The following ANKRD18A variants were observed in gnomAD, a reference collection of about 807,000 sequenced individuals.
ANKRD18A encodes ankyrin repeat domain 18A.
In ANKRD18A, 72 loss-of-function variants were observed where a neutral mutation model predicts 110.6. That is an observed-to-expected ratio of 0.65 (90% CI 0.54 to 0.79). ANKRD18A has a LOEUF of 0.79. Among genes scored for constraint, ANKRD18A ranks in the 30% least tolerant of loss-of-function variants. The probability of loss-of-function intolerance (pLI) is 0.00; values close to 1 mark genes in which losing one functional copy is unlikely to be tolerated. For synonymous variants in ANKRD18A, 305 were observed against 410.3 expected, an observed-to-expected ratio of 0.74 and a Z score of 3.10; for missense variants, 934 against 1,163.3, an observed-to-expected ratio of 0.80 and a Z score of 2.87.
At position 38,575,553 on chromosome 9, in the gene ANKRD18A, A is replaced by G. The variant is rs748551448; in HGVS notation, c.2887T>C (p.Tyr963His). 1.4e-5 allele frequency: 21 copies of G among 1,551,348 alleles called. No individual in the cohort carries two copies. Among genetic ancestry groups the G allele is most frequent in the African/African-American group, 2.7e-5 (2 of 73,030 alleles). The change falls in exon 15 of 16, where the codon TAT (tyrosine) becomes CAT (histidine). Residue 963 changes from tyrosine (Y) to histidine (H), a missense_variant. By Grantham distance (83) the Tyr-to-His change is moderately conservative (BLOSUM62 2). Coordinates refer to ENST00000399703, the MANE Select transcript of ANKRD18A (RefSeq NM_147195.4). ...ATTCTTATGGCCGTTTTGGGAATAT[A>G]TTTTCTGTTGAGTTCTATACTATTA... ...NLNSIELNRKYIPKTAIRIPT... is the reference protein window; with the variant it reads ...NLNSIELNRKHIPKTAIRIPT...
At chr9:38,588,446 A>G (rs1367821187) in intron 11 of ANKRD18A, 105 bp downstream of exon 11, 4 of 757,888 alleles carry the variant, frequency 5.3e-6, no homozygotes, top group Non-Finnish European at 7.3e-6. Flanking sequence ...TTTAATTATG[A>G]AAATGAAGAC....
intron 11 of ANKRD18A, among the ~76,000 whole-genome samples, chr9:38,587,053 GA>G (rs1246888117): frequency 6.6e-6 from 1 of 151,202 alleles, no homozygotes; most frequent in Non-Finnish European, 1.5e-5. Context: ...TCTATAAGAA[GA>G]AAAAAAAGTA....
intron 3 of ANKRD18A, among the ~76,000 whole-genome samples, chr9:38,613,964 T>C (rs1194539639): frequency 6.6e-6 from 1 of 152,212 alleles, no homozygotes; most frequent in African/African-American, 2.4e-5. Flanking sequence ...GAGTGATTCA[T>C]GGTGGGAAGC....
At chr9:38,589,856 C>T (rs866905603) in intron 10 of ANKRD18A, among the ~76,000 whole-genome samples, 2 of 152,190 alleles carry the variant, frequency 1.3e-5, no homozygotes, top group African/African-American at 4.8e-5. Flanking sequence ...TAAATTCTCT[C>T]AGAACTCCTA....
downstream of ANKRD18A, chr9:38,569,573 C>T (rs1823564429): frequency 9.6e-6 from 4 of 417,098 alleles, no homozygotes; most frequent in Non-Finnish European, 9.7e-6. Context: ...ACAACAGGAG[C>T]CTGCTTGGGT....
chr9:38,579,229 T>G (rs1340949118), intron 12 of ANKRD18A, among the ~76,000 whole-genome samples: 1 of 152,166 alleles, frequency 6.6e-6, no homozygotes, highest in Non-Finnish European at 1.5e-5. Flanking sequence ...CCCCAAATTA[T>G]CAAACTATTA....
chr9:38,568,930 G>A, downstream of ANKRD18A: 4 of 985,442 alleles, frequency 4.1e-6, no homozygotes, highest in Non-Finnish European at 4.8e-6. Context: ...GCTGCTGGCT[G>A]CCAGGGTTGT....
chr9:38,617,232 G>GA (rs1384789096), intron 1 of ANKRD18A, among the ~76,000 whole-genome samples: 4 of 152,146 alleles, frequency 2.6e-5, no homozygotes, highest in Admixed American at 6.5e-5. Context: ...TCTAGGTCAG[G>GA]AGTTCAGGAC....
In ANKRD18A at chr9:38,577,191, A is replaced by G. The variant is rs1219675778; in HGVS notation, c.2603T>C (p.Leu868Pro). ...DNTASLKKKE[L>P]TLKDVECKFS... ...TTTACATTCCACATCTTTAAGTGTG[A>G]GTTCCTTCTTTTTTAGTGAAGCCGT... is the stretch of plus-strand genomic sequence containing the variant. The change falls in exon 14 of 16, where the codon CTC (leucine) becomes CCC (proline). Residue 868 changes from leucine (L) to proline (P), a missense_variant. Leu to Pro is a moderately conservative substitution (Grantham distance 98). Coordinates refer to ENST00000399703, the MANE Select transcript of ANKRD18A (RefSeq NM_147195.4). The G allele has an allele frequency of 1.3e-6, 2 of 1,547,884 alleles. No homozygotes were observed. Among genetic ancestry groups the G allele is most frequent in the East Asian group, 2.5e-5 (1 of 40,758 alleles).
chr9:38,619,266 G>T (rs1350550232), intron 1 of ANKRD18A, among the ~76,000 whole-genome samples: 1 of 151,946 alleles, frequency 6.6e-6, no homozygotes, highest in African/African-American at 2.4e-5. Flanking sequence ...CCATTTTTGC[G>T]ACATAAAGTT....
intron 15 of ANKRD18A, among the ~76,000 whole-genome samples, chr9:38,574,612 T>C (rs1189906318): frequency 6.6e-6 from 1 of 152,040 alleles, no homozygotes; most frequent in Non-Finnish European, 1.5e-5. Context: ...CCACCACACC[T>C]GGCCAAGCAC....
intron 5 of ANKRD18A, 130 bp downstream of exon 5, chr9:38,610,143 G>T: frequency 7.2e-6 from 9 of 1,241,858 alleles, no homozygotes; most frequent in Non-Finnish European, 9.6e-6. Context: ...CTAAAAAGTG[G>T]ACTAACTTGT....
chr9:38,569,620 AC>A (rs1823566294), downstream of ANKRD18A, among the ~76,000 whole-genome samples: 1 of 152,026 alleles, frequency 6.6e-6, no homozygotes, highest in Non-Finnish European at 1.5e-5. Flanking sequence ...TATCCCCTGA[AC>A]TGACATGTGT....
chr9:38,588,428 A>G (rs1171191336), intron 11 of ANKRD18A, 123 bp downstream of exon 11: 2 of 676,288 alleles, frequency 3.0e-6, no homozygotes, highest in African/African-American at 3.9e-5. Flanking sequence ...ATTTTAAAAC[A>G]GAATTCATTT....
At chr9:38,582,214 T>C (rs1824194636) in intron 12 of ANKRD18A, among the ~76,000 whole-genome samples, 1 of 152,114 alleles carries the variant, frequency 6.6e-6, no homozygotes, top group Non-Finnish European at 1.5e-5. Context: ...CAGCAGATAC[T>C]GCGACCAAAA....
In ANKRD18A at chr9:38,572,046, C is replaced by T. The variant is rs757533252; in HGVS notation, c.2978G>A (p.Ter993=). ...KNFLTEVLLC[*] The stretch of plus-strand genomic sequence containing the variant: ...AAGAAAGTAGACGGGAGCAAGTGCT[C>T]AACATAGCAAAACCTGGAAAGAAAA... Residue 993 remains the stop codon, a stop_retained_variant, in exon 16 of 16, where the codon TGA becomes TAA. Transcript: ENST00000399703. The T allele has an allele frequency of 3.8e-6, 6 of 1,589,460 alleles. No homozygotes were observed. The highest frequency in any genetic ancestry group is 4.3e-6 in the Non-Finnish European group (5 of 1,172,108).
chr9:38,572,665 G>A (rs111732472), intron 15 of ANKRD18A: 5,221 of 153,852 alleles, frequency 0.034, 129 homozygotes, highest in African/African-American at 0.066. Context: ...AGACAAGGCT[G>A]AGTAACCTGA....
intron 4 of ANKRD18A, among the ~76,000 whole-genome samples, chr9:38,610,893 A>T (rs1052432280): frequency 7.1e-6 from 1 of 141,152 alleles, no homozygotes; most frequent in Non-Finnish European, 1.6e-5. Context: ...TAATAGTAGT[A>T]GTTGTAAACT....
chr9:38,592,420 T>C (rs1298150402), intron 10 of ANKRD18A, among the ~76,000 whole-genome samples: 1 of 152,130 alleles, frequency 6.6e-6, no homozygotes, highest in East Asian at 1.9e-4. Flanking sequence ...AGTGCTGAGA[T>C]GTAAGGTCAG....
Sources: allele counts gnomAD v4.1 joint callset (sites outside exome capture counted in the v4.1 genomes callset), GRCh38; gene constraint gnomAD v4.1.1; transcripts MANE v1.5; gene names NCBI Gene and HGNC (gene_info 2026-07-23, HGNC 2026-07-21).